ADGRL2: variants seen among roughly 807,000 people sequenced by gnomAD.
ADGRL2 encodes calcium-independent alpha-latrotoxin receptor 2.
In ADGRL2, 44 loss-of-function variants were observed where a neutral mutation model predicts 157.4. The ratio of observed to expected loss-of-function variants is 0.28; its 90% CI spans 0.22 to 0.36. The LOEUF (loss-of-function observed/expected upper bound fraction) is 0.36. ADGRL2 is among the 10% of genes least tolerant of loss of function. The probability of loss-of-function intolerance (pLI) is 1.00; values close to 1 mark genes in which losing one functional copy is unlikely to be tolerated. For synonymous variants in ADGRL2, 585 were observed against 624.7 expected (o/e 0.94, Z 0.95); for missense variants, 1,510 against 1,768.9 (o/e 0.85, Z 2.63).
intron 2 of ADGRL2, among the ~76,000 whole-genome samples, chr1:81,484,618 A>T (rs1306523334): frequency 6.6e-6 from 1 of 152,122 alleles, no homozygotes; most frequent in East Asian, 1.9e-4. Context: ...TGAGCTGTGT[A>T]TATTAGGTTA....
chr1:81,356,026 C>G (rs1427351573), intron 1 of ADGRL2, among the ~76,000 whole-genome samples: 1 of 151,978 alleles, frequency 6.6e-6, no homozygotes, highest in Non-Finnish European at 1.5e-5. Context: ...CTTCAGGATC[C>G]CCAACCAAAT....
At chr1:81,691,270 T>C (rs978298625) in intron 3 of ADGRL2, among the ~76,000 whole-genome samples, 5 of 151,976 alleles carry the variant, frequency 3.3e-5, no homozygotes, top group Non-Finnish European at 5.9e-5. Context: ...ATCTAATTGT[T>C]ATCTTTAGTT....
At chr1:81,463,098 G>A (rs1369116341) in intron 2 of ADGRL2, among the ~76,000 whole-genome samples, 2 of 124,978 alleles carry the variant, frequency 1.6e-5, no homozygotes, top group Admixed American at 9.8e-5. Flanking sequence ...CTGGGCAATA[G>A]AGTGAGACCA....
intron 2 of ADGRL2, among the ~76,000 whole-genome samples, chr1:81,478,929 G>A (rs1294675958): frequency 6.6e-6 from 1 of 151,016 alleles, no homozygotes; most frequent in East Asian, 1.9e-4. Context: ...AATAACTCAG[G>A]GTGCTAATAT....
intron 1 of ADGRL2, among the ~76,000 whole-genome samples, chr1:81,801,380 G>C (rs2088082446): frequency 6.6e-6 from 1 of 152,124 alleles, no homozygotes; most frequent in South Asian, 2.1e-4. Context: ...AGACCTCGCG[G>C]AGAGTCTGTG....
intron 2 of ADGRL2, among the ~76,000 whole-genome samples, chr1:81,507,846 T>A (rs2079006277): frequency 6.6e-6 from 1 of 152,200 alleles, no homozygotes; most frequent in African/African-American, 2.4e-5. Context: ...CTGGTAGAAA[T>A]ATTTTCTGCC....
rs1208095350 is a variant in ADGRL2, at chr1:81,517,533, C to T, written c.-247-63343C>T. ...CCTTCGGATTAATGTATCGTTTCCT[C>T]TCAGCTACCAACATATGGCTGCTGC... On this transcript the variant is annotated intron_variant, in intron 2 of 24. Coordinates refer to the ADGRL2 transcript ENST00000370721. Among the ~76,000 whole-genome samples, 5 of 150,284 alleles carry T rather than the reference C, an allele frequency of 3.3e-5. No homozygotes were observed. The East Asian group carries it at 9.8e-4, about 30-fold the overall frequency.
At chr1:81,768,070 A>G (rs907335851) in intron 2 of ADGRL2, among the ~76,000 whole-genome samples, 1 of 152,114 alleles carries the variant, frequency 6.6e-6, no homozygotes, top group African/African-American at 2.4e-5. Flanking sequence ...TTTAGAGACA[A>G]GACCTCACTT....
intron 2 of ADGRL2, among the ~76,000 whole-genome samples, chr1:81,475,777 A>G (rs1398829041): frequency 6.6e-6 from 1 of 152,170 alleles, no homozygotes; most frequent in African/African-American, 2.4e-5. Context: ...GGGATATCAA[A>G]TTGCTGACAA....
chr1:81,840,633 A>C (rs547862954), intron 2 of ADGRL2, among the ~76,000 whole-genome samples: 1 of 152,122 alleles, frequency 6.6e-6, no homozygotes, highest in Non-Finnish European at 1.5e-5. Context: ...TACCCATTAA[A>C]ATTTACCTGT....
chr1:81,372,022 C>G (rs1037491148), intron 1 of ADGRL2, among the ~76,000 whole-genome samples: 1 of 152,166 alleles, frequency 6.6e-6, no homozygotes, highest in African/African-American at 2.4e-5. Flanking sequence ...GCTTAGAACA[C>G]TGAGATCTCT....
At chr1:81,493,195 T>G (rs917397493) in intron 2 of ADGRL2, among the ~76,000 whole-genome samples, 2 of 152,162 alleles carry the variant, frequency 1.3e-5, no homozygotes, top group Non-Finnish European at 2.9e-5. Context: ...ATCAAACAAA[T>G]GTACCCCACT....
At chr1:81,901,656 T>C (rs1371403025) in intron 2 of ADGRL2, among the ~76,000 whole-genome samples, 1 of 151,948 alleles carries the variant, frequency 6.6e-6, no homozygotes, top group Non-Finnish European at 1.5e-5. Flanking sequence ...AAGGAATAAA[T>C]AAATGTTTTC....
intron 1 of ADGRL2, among the ~76,000 whole-genome samples, chr1:81,387,779 G>T (rs2076463973): frequency 6.6e-6 from 1 of 151,944 alleles, no homozygotes; most frequent in African/African-American, 2.4e-5. Context: ...TGGAGTTTAT[G>T]GATTACTTTC....
chr1:81,494,332 A>G (rs1425371575), intron 2 of ADGRL2, among the ~76,000 whole-genome samples: 1 of 152,132 alleles, frequency 6.6e-6, no homozygotes, highest in Non-Finnish European at 1.5e-5. Context: ...TTTAAAAAGT[A>G]TAATCTGGAG....
chr1:81,864,853 G>T (rs1005386560), intron 2 of ADGRL2, among the ~76,000 whole-genome samples: 6 of 152,136 alleles, frequency 3.9e-5, no homozygotes, highest in Non-Finnish European at 8.8e-5. Context: ...GGGTGTTGTG[G>T]TGGGTGCCTG....
chr1:81,557,078 A>C (rs12089116), intron 2 of ADGRL2: 130,290 of 178,190 alleles, frequency 0.73, 48,609 homozygotes, highest in East Asian at 0.92. Flanking sequence ...AAACTTCACG[A>C]AGCAGCCCAC....
intron 1 of ADGRL2, among the ~76,000 whole-genome samples, chr1:81,820,563 G>A (rs968637437): frequency 2.6e-5 from 4 of 151,442 alleles, no homozygotes; most frequent in African/African-American, 9.7e-5. Flanking sequence ...TTGGGGGGAA[G>A]ACTCTTCTTT....
chr1:81,421,327 G>A (rs918528862), intron 1 of ADGRL2, among the ~76,000 whole-genome samples: 6 of 152,150 alleles, frequency 3.9e-5, no homozygotes, highest in Non-Finnish European at 7.4e-5. Flanking sequence ...TAGAGATAAA[G>A]CTCATACTGA....
Sources: gnomAD v4.1 joint callset for allele counts (sites outside exome capture counted in the v4.1 genomes callset) on GRCh38, gnomAD v4.1.1 for gene constraint, MANE v1.5 for transcripts, NCBI Gene and HGNC (gene_info 2026-07-23, HGNC 2026-07-21) for gene names.